The following ALG5 variants were observed in gnomAD, a reference collection of about 807,000 sequenced individuals.
ALG5 encodes the protein dolichyl-phosphate beta-glucosyltransferase.
In ALG5, 26 loss-of-function variants were observed where a neutral mutation model predicts 51.8. The ratio of observed to expected loss-of-function variants is 0.50; its 90% CI spans 0.37 to 0.70. The LOEUF is 0.70. Ranked by LOEUF, ALG5 falls within the 30% of genes least tolerant of loss-of-function variation. The pLI, the probability that ALG5 is intolerant of heterozygous loss-of-function variation, is 0.00. For synonymous variants in ALG5, 141 were observed against 136.1 expected (o/e 1.04, Z -0.25); for missense variants, 311 against 399.3 (o/e 0.78, Z 1.88).
intron 7 of ALG5, chr13:36,967,687 G>T: frequency 1.9e-6 from 1 of 522,822 alleles, no homozygotes; most frequent in Non-Finnish European, 3.4e-6. Flanking sequence ...TAAGTAGATA[G>T]GGCAGAAACC....
chr13:36,956,751 G>A (rs971276222), intron 8 of ALG5, among the ~76,000 whole-genome samples: 1 of 151,988 alleles, frequency 6.6e-6, no homozygotes, highest in Admixed American at 6.6e-5. Context: ...GTTACGGCTC[G>A]AGCTGAGCTT....
At chr13:36,966,997 T>A (rs1283315534) in intron 7 of ALG5, among the ~76,000 whole-genome samples, 1 of 151,454 alleles carries the variant, frequency 6.6e-6, no homozygotes, top group East Asian at 1.9e-4. Flanking sequence ...CCGAGGCAGG[T>A]GGATTGCTTG....
chr13:36,953,830 T>C (rs540916396), intron 8 of ALG5, among the ~76,000 whole-genome samples: 2 of 152,282 alleles, frequency 1.3e-5, no homozygotes, highest in Admixed American at 6.5e-5. Flanking sequence ...GTGATACTTA[T>C]GAAAAAAGAA....
intron 5 of ALG5, 89 bp downstream of exon 5, chr13:36,989,395 T>G: frequency 1.1e-6 from 1 of 908,306 alleles, no homozygotes; most frequent in Non-Finnish European, 1.7e-6. Context: ...ATGCTGGTAT[T>G]CAAGCAGTGG....
intron 1 of ALG5, 137 bp from the exon 2 acceptor site, chr13:36,995,733 C>T: frequency 1.3e-6 from 1 of 777,272 alleles, no homozygotes. Flanking sequence ...TAACAATGGT[C>T]TAGAGGTGAC....
chr13:36,966,455 T>C (rs2058893837), intron 7 of ALG5, among the ~76,000 whole-genome samples: 1 of 152,222 alleles, frequency 6.6e-6, no homozygotes, highest in African/African-American at 2.4e-5. Flanking sequence ...ATCACTGGAT[T>C]CCAGACTTTC....
At chr13:36,975,925 G>A (rs1285646464) in intron 6 of ALG5, among the ~76,000 whole-genome samples, 1 of 151,344 alleles carries the variant, frequency 6.6e-6, no homozygotes, top group African/African-American at 2.4e-5. Context: ...GGAGGCCAAG[G>A]CAGGAACCAC....
At chr13:36,979,204 G>A (rs2058967766) in intron 6 of ALG5, among the ~76,000 whole-genome samples, 2 of 152,030 alleles carry the variant, frequency 1.3e-5, no homozygotes, top group South Asian at 4.1e-4. Flanking sequence ...TTTTAGTAGA[G>A]ATGGGGTTTT....
intron 1 of ALG5, among the ~76,000 whole-genome samples, chr13:36,996,643 A>G (rs902828573): frequency 1.2e-4 from 19 of 152,212 alleles, no homozygotes; most frequent in Non-Finnish European, 2.6e-4. Context: ...CAATGATACT[A>G]AAGACAAAAA....
intron 8 of ALG5, among the ~76,000 whole-genome samples, chr13:36,957,107 A>G (rs1420387399): frequency 3.3e-5 from 5 of 151,914 alleles, no homozygotes; most frequent in Non-Finnish European, 7.4e-5. Context: ...CATTGATAGC[A>G]CCCATCAGAT....
chr13:36,953,817 A>G (rs1031488663), intron 8 of ALG5, among the ~76,000 whole-genome samples: 16 of 152,272 alleles, frequency 1.1e-4, no homozygotes, highest in African/African-American at 3.6e-4. Flanking sequence ...GTCCCCTAGA[A>G]TTGTGATACT....
intron 1 of ALG5, 32 bp downstream of exon 1, chr13:36,999,203 C>A: frequency 6.5e-7 from 1 of 1,546,674 alleles, no homozygotes; most frequent in Non-Finnish European, 8.7e-7. Context: ...CGGTAAGCCC[C>A]GGCCTGCGCG....
chr13:36,952,007 G>C (rs575574439), intron 9 of ALG5, among the ~76,000 whole-genome samples: 1 of 152,230 alleles, frequency 6.6e-6, no homozygotes, highest in Non-Finnish European at 1.5e-5. Flanking sequence ...GACTGGTCTT[G>C]AACTCCTGAC....
chr13:36,999,188 G>C (rs373213937), intron 1 of ALG5, 47 bp downstream of exon 1: 7 of 1,505,256 alleles, frequency 4.7e-6, no homozygotes, highest in Non-Finnish European at 5.3e-6. Context: ...CAGTCTCCAG[G>C]AGAGCGGTAA....
At chr13:36,995,677 T>A (rs1189670550) in intron 1 of ALG5, 81 bp from the exon 2 acceptor site, 1 of 1,316,370 alleles carries the variant, frequency 7.6e-7, no homozygotes, top group Non-Finnish European at 1.1e-6. Context: ...GAATACATCA[T>A]CTACTTTTCT....
chr13:36,989,210 T>C (rs1281196577), intron 5 of ALG5, among the ~76,000 whole-genome samples: 1 of 152,210 alleles, frequency 6.6e-6, no homozygotes, highest in African/African-American at 2.4e-5. Context: ...CCACATAAGC[T>C]ATCTGCTAAC....
chr13:36,996,993 A>G (rs1266963874), intron 1 of ALG5, among the ~76,000 whole-genome samples: 2 of 152,230 alleles, frequency 1.3e-5, no homozygotes, highest in Non-Finnish European at 2.9e-5. Flanking sequence ...AAGAGAAAGG[A>G]AGAAGCATCA....
chr13:36,952,493 T>C lies in ALG5; in HGVS notation c.859+21A>G, dbSNP rs377016103. ...TGTATTATCTGACTCAAGACAATCA[T>C]ACAATAAACAATATACTCACCTTCA... On this transcript the variant is annotated intron_variant, in intron 9 of 9. Transcript: ENST00000239891. 78 of 1,543,192 alleles carry C rather than the reference T, an allele frequency of 5.1e-5. No homozygotes were observed. The African/African-American group carries it at 1.1e-3, about 21-fold the overall frequency.
rs565151952 is a variant in ALG5 at position 36,986,835 on chromosome 13, T to TA, written c.448-1096dup. ...CCAGCTACTTGGGAGGCTGAGGTGGTAAAAAAACTGGAGCTATTAGTCTGA... is the reference window on the plus strand; with the variant it reads ...CCAGCTACTTGGGAGGCTGAGGTGGTAAAAAAAACTGGAGCTATTAGTCTGA... On this transcript the variant is annotated intron_variant, in intron 5 of 9. Transcript: ENST00000239891. 3.0e-4 allele frequency among the ~76,000 whole-genome samples: 45 copies of TA among 152,082 alleles called. No individual in the cohort carries two copies. The South Asian group carries it at 6.0e-3, about 20-fold the overall frequency.
Sources: allele counts gnomAD v4.1 joint callset (sites outside exome capture counted in the v4.1 genomes callset), GRCh38; gene constraint gnomAD v4.1.1; transcripts MANE v1.5; gene names NCBI Gene and HGNC (gene_info 2026-07-23, HGNC 2026-07-21).